SKAP1: variants seen among roughly 807,000 people sequenced by gnomAD.
SKAP1 encodes the protein src kinase associated phosphoprotein 1.
SKAP1 carries 44 observed loss-of-function variants against 58.5 expected under a neutral mutation model. That is an observed-to-expected ratio of 0.75 (90% CI 0.59 to 0.97). The LOEUF (loss-of-function observed/expected upper bound fraction) is 0.97. SKAP1 is among the 50% of genes least tolerant of loss of function. SKAP1 has a pLI of 0.00. For missense variants in SKAP1, 390 were observed against 435.2 expected (o/e 0.90, Z 0.92); for synonymous variants, 127 against 149.7 (o/e 0.85, Z 1.11).
intron 9 of SKAP1, among the ~76,000 whole-genome samples, chr17:48,178,486 AT>A (rs1386584183): frequency 6.6e-6 from 1 of 152,112 alleles, no homozygotes; most frequent in Non-Finnish European, 1.5e-5. Context: ...AATTAGATCC[AT>A]TTCTGCACCC....
chr17:48,240,154 G>C lies in SKAP1; in HGVS notation c.281-50654C>G, dbSNP rs565987591. Among the ~76,000 whole-genome samples the C allele has an allele frequency of 1.1e-4, 17 of 151,802 alleles. No individual in the cohort carries two copies. In the South Asian group the frequency reaches 3.3e-3, roughly 30 times the overall value. On this transcript the variant is annotated intron_variant, in intron 4 of 12. Transcript: ENST00000336915. ...ATAAGGAGCGAGCCAGCTTGGAATT[G>C]AGCATTGCTAGATATGAGGGAGAAG...
chr17:48,306,693 A>G (rs2066146529), intron 4 of SKAP1, among the ~76,000 whole-genome samples: 1 of 152,248 alleles, frequency 6.6e-6, no homozygotes, highest in Non-Finnish European at 1.5e-5. Flanking sequence ...CCACAAATAC[A>G]TCCTATGAAC....
At chr17:48,147,678 C>A (rs1013751973) in intron 11 of SKAP1, among the ~76,000 whole-genome samples, 1 of 152,126 alleles carries the variant, frequency 6.6e-6, no homozygotes. Flanking sequence ...GTGAAAGGAT[C>A]GAAGCTCAGC....
chr17:48,419,215 A>G (rs112656043), intron 1 of SKAP1, among the ~76,000 whole-genome samples: 1 of 152,160 alleles, frequency 6.6e-6, no homozygotes, highest in East Asian at 1.9e-4. Flanking sequence ...CAATTTTTGC[A>G]TCAACCTAAT....
chr17:48,314,085 A>G (rs1170248789), intron 4 of SKAP1, among the ~76,000 whole-genome samples: 2 of 152,158 alleles, frequency 1.3e-5, no homozygotes, highest in Admixed American at 1.3e-4. Context: ...CTGAAATCAC[A>G]GATAGTTTTC....
intron 1 of SKAP1, among the ~76,000 whole-genome samples, chr17:48,423,866 C>T (rs1166834009): frequency 1.3e-5 from 2 of 152,066 alleles, no homozygotes; most frequent in African/African-American, 4.8e-5. Context: ...AAGTGATCCT[C>T]CCACCTCCGC....
intron 11 of SKAP1, among the ~76,000 whole-genome samples, 170 bp downstream of exon 11, chr17:48,162,299 T>C (rs2064080791): frequency 2.0e-5 from 3 of 152,256 alleles, no homozygotes; most frequent in Admixed American, 2.0e-4. Flanking sequence ...AAATGGTTCC[T>C]GAATCTGGAT....
intron 4 of SKAP1, 64 bp from the exon 5 acceptor site, chr17:48,189,564 C>T: frequency 8.5e-7 from 1 of 1,182,930 alleles, no homozygotes. Flanking sequence ...ATTTAGGCTA[C>T]TTTAGGTAAT....
At chr17:48,303,460 G>A (rs1433106611) in intron 4 of SKAP1, among the ~76,000 whole-genome samples, 1 of 152,126 alleles carries the variant, frequency 6.6e-6, no homozygotes, top group African/African-American at 2.4e-5. Flanking sequence ...AATATAAATA[G>A]ATGAGCATTT....
intron 2 of SKAP1, among the ~76,000 whole-genome samples, chr17:48,381,183 T>C (rs2067210325): frequency 6.6e-6 from 1 of 152,232 alleles, no homozygotes. Flanking sequence ...TGTTATCCAC[T>C]ACTAAAGCAT....
chr17:48,183,336 T>C (rs1218537622), intron 7 of SKAP1, among the ~76,000 whole-genome samples: 2 of 152,128 alleles, frequency 1.3e-5, no homozygotes, highest in Non-Finnish European at 2.9e-5. Context: ...CCACAGACCA[T>C]GGTAACGATT....
intron 4 of SKAP1, among the ~76,000 whole-genome samples, chr17:48,261,491 T>C (rs1434973661): frequency 6.6e-6 from 1 of 152,190 alleles, no homozygotes; most frequent in African/African-American, 2.4e-5. Context: ...CGTTTTACGC[T>C]GAGGATGCTA....
chr17:48,275,810 G>C (rs958168327), intron 4 of SKAP1, among the ~76,000 whole-genome samples: 39 of 152,166 alleles, frequency 2.6e-4, no homozygotes, highest in African/African-American at 9.2e-4. Flanking sequence ...TGAATCACTT[G>C]ATTAAGATTC....
At chr17:48,194,174 C>G (rs1412078755) in intron 4 of SKAP1, among the ~76,000 whole-genome samples, 5 of 152,152 alleles carry the variant, frequency 3.3e-5, no homozygotes, top group Non-Finnish European at 5.9e-5. Context: ...GATATGGGGC[C>G]ACAAAGATAA....
intron 9 of SKAP1, among the ~76,000 whole-genome samples, chr17:48,175,545 G>A (rs148844861): frequency 2.0e-5 from 3 of 152,144 alleles, no homozygotes; most frequent in South Asian, 2.1e-4. Flanking sequence ...CAAAATATTC[G>A]CATCCTATTT....
In SKAP1 at chr17:48,345,970, T is replaced by C; in HGVS notation, c.215A>G (p.His72Arg). ...DIGQDSSDDN[H>R]SGTLGLSLTS... ...GAGGGACAGGCCAAGAGTCCCGCTG[T>C]GATTATCATCAGAGCTGTCCTGTCC... The change falls in exon 4 of 13, where the codon CAC becomes CGC. Residue 72 changes from histidine (H) to arginine (R), a missense_variant. His to Arg is a conservative substitution (Grantham distance 29, BLOSUM62 0). Coordinates refer to ENST00000336915, the MANE Select transcript of SKAP1 (RefSeq NM_003726.4). The C allele has an allele frequency of 6.2e-7, 1 of 1,613,534 alleles. No individual in the cohort carries two copies. Among genetic ancestry groups the C allele is most frequent in the Admixed American group, 1.7e-5 (1 of 59,960 alleles).
intron 2 of SKAP1, among the ~76,000 whole-genome samples, chr17:48,389,661 A>G (rs1488963833): frequency 6.6e-6 from 1 of 152,166 alleles, no homozygotes; most frequent in Non-Finnish European, 1.5e-5. Flanking sequence ...GATAAGCAGG[A>G]CTGCATTTCA....
At chr17:48,301,568 C>T (rs192267426) in intron 4 of SKAP1, among the ~76,000 whole-genome samples, 4 of 152,042 alleles carry the variant, frequency 2.6e-5, no homozygotes, top group African/African-American at 9.7e-5. Flanking sequence ...TCAAGAATTG[C>T]TTGAACCCAG....
intron 4 of SKAP1, among the ~76,000 whole-genome samples, chr17:48,195,607 A>G (rs910244590): frequency 6.6e-6 from 1 of 152,240 alleles, no homozygotes; most frequent in Non-Finnish European, 1.5e-5. Context: ...TAAATTGGAC[A>G]ACAGATGAAA....
Sources: allele counts gnomAD v4.1 joint callset (sites outside exome capture counted in the v4.1 genomes callset), GRCh38; gene constraint gnomAD v4.1.1; transcripts MANE v1.5; gene names NCBI Gene and HGNC (gene_info 2026-07-23, HGNC 2026-07-21).